Variants in ANO10 observed in about 807,000 individuals in gnomAD.
ANO10 encodes the protein anoctamin-10.
ANO10 carries 77 observed loss-of-function variants against 74.7 expected under a neutral mutation model. The observed-to-expected ratio is 1.03, with a 90% CI of 0.86 to 1.25. The LOEUF (loss-of-function observed/expected upper bound fraction) is 1.25. ANO10 is among the 50% of genes most tolerant of loss of function. ANO10 has a pLI of 0.00. For synonymous variants in ANO10, 279 were observed against 284.9 expected (o/e 0.98, Z 0.21); for missense variants, 721 against 778.1 (o/e 0.93, Z 0.87).
chr3:43,639,181 G>T (rs1224839220), intron 1 of ANO10: 1 of 152,326 alleles, frequency 6.6e-6, no homozygotes, highest in African/African-American at 2.4e-5. Flanking sequence ...TCATTTCTGT[G>T]TTGTTCTAGT....
chr3:43,484,203 G>T (rs1317264689), intron 11 of ANO10, among the ~76,000 whole-genome samples: 1 of 152,132 alleles, frequency 6.6e-6, no homozygotes, highest in Non-Finnish European at 1.5e-5. Context: ...AAAGTGCTGG[G>T]ATTACAGGTG....
intron 7 of ANO10, among the ~76,000 whole-genome samples, chr3:43,567,816 C>G (rs1007860763): frequency 6.6e-6 from 1 of 151,856 alleles, no homozygotes; most frequent in Non-Finnish European, 1.5e-5. Flanking sequence ...ATGACAGGAT[C>G]AAATTCACAC....
intron 1 of ANO10, among the ~76,000 whole-genome samples, chr3:43,680,312 G>A (rs1220228542): frequency 1.3e-5 from 2 of 152,188 alleles, no homozygotes; most frequent in African/African-American, 4.8e-5. Context: ...TAGCCAATTT[G>A]ATCAACTGGA....
At chr3:43,501,846 T>C (rs1298384338) in intron 11 of ANO10, among the ~76,000 whole-genome samples, 4 of 152,204 alleles carry the variant, frequency 2.6e-5, no homozygotes, top group Non-Finnish European at 4.4e-5. Flanking sequence ...GCCAAGGAGC[T>C]ATCAAAATGA....
chr3:43,619,868 CAAAAAA>C (rs746826623), intron 1 of ANO10, among the ~76,000 whole-genome samples: 2 of 79,924 alleles, frequency 2.5e-5, no homozygotes, highest in Non-Finnish European at 5.3e-5. Flanking sequence ...AGACCTTGTC[CAAAAAA>C]AAAAAAAAAA....
At chr3:43,493,898 G>A (rs1406220928) in intron 11 of ANO10, among the ~76,000 whole-genome samples, 1 of 151,922 alleles carries the variant, frequency 6.6e-6, no homozygotes, top group Non-Finnish European at 1.5e-5. Context: ...ACCACACTAG[G>A]CTAATTTTCC....
chr3:43,479,703 AC>A (rs2076195945), intron 11 of ANO10, among the ~76,000 whole-genome samples: 1 of 152,226 alleles, frequency 6.6e-6, no homozygotes. Context: ...AGATGAACTT[AC>A]GTCTGCTCTC....
chr3:43,497,471 C>T (rs561924220), intron 11 of ANO10, among the ~76,000 whole-genome samples: 1 of 152,314 alleles, frequency 6.6e-6, no homozygotes, highest in African/African-American at 2.4e-5. Flanking sequence ...ACACTTTCTG[C>T]TCTGTTTTTC....
At chr3:43,492,736 G>A (rs1023145755) in intron 11 of ANO10, among the ~76,000 whole-genome samples, 3 of 152,140 alleles carry the variant, frequency 2.0e-5, no homozygotes, top group Non-Finnish European at 1.5e-5. Flanking sequence ...ACCACAATGA[G>A]ATACTATCTC....
In ANO10 at chr3:43,552,256, T is replaced by G. The variant is rs138562809; in HGVS notation, c.1669-2408A>C. 3.0e-3 allele frequency among the ~76,000 whole-genome samples: 453 copies of G among 152,252 alleles called. 1 individual carries two copies. The highest frequency in any genetic ancestry group is 5.0e-3 in the Non-Finnish European group (338 of 68,006). On this transcript the variant is annotated intron_variant, in intron 10 of 12. Coordinates refer to ENST00000292246, the MANE Select transcript of ANO10 (RefSeq NM_018075.5). ...TGATATAGGGAAAAGAATCAGACAG[T>G]GTATCTTGTCTACATAGGTTGGGTA... is the stretch of plus-strand genomic sequence containing the variant.
At chr3:43,386,844 C>A (rs571691282) in intron 12 of ANO10, among the ~76,000 whole-genome samples, 1 of 152,038 alleles carries the variant, frequency 6.6e-6, no homozygotes, top group African/African-American at 2.4e-5. Context: ...TGGAGAAAGC[C>A]GCCTATGAGT....
chr3:43,581,044 C>A (rs1268631985), intron 4 of ANO10, among the ~76,000 whole-genome samples: 2 of 151,966 alleles, frequency 1.3e-5, no homozygotes, highest in Admixed American at 1.3e-4. Flanking sequence ...TGTACAAATA[C>A]CTTTCCCTAC....
intron 11 of ANO10, among the ~76,000 whole-genome samples, chr3:43,487,121 T>C (rs2149104320): frequency 6.7e-6 from 1 of 149,274 alleles, no homozygotes; most frequent in African/African-American, 2.5e-5. Flanking sequence ...GATTTGCGTA[T>C]ATTGAACCAG....
chr3:43,623,142 A>G (rs913416874), upstream of ANO10, among the ~76,000 whole-genome samples: 1 of 152,224 alleles, frequency 6.6e-6, no homozygotes, highest in Non-Finnish European at 1.5e-5. Flanking sequence ...CTGGGATTAC[A>G]GGCGTGAGCC....
chr3:43,438,573 C>T lies in ANO10; in HGVS notation c.1798-5846G>A, dbSNP rs543705564. On this transcript the variant is annotated intron_variant, in intron 11 of 12. Coordinates refer to ENST00000292246, the MANE Select transcript of ANO10 (RefSeq NM_018075.5). Reference sequence around the variant, plus strand: ...AAGCCTGACCAACATGGTGAAACCCCGTCTCTGCTAAAAATACAAAAAATT... The same window carrying T: ...AAGCCTGACCAACATGGTGAAACCCTGTCTCTGCTAAAAATACAAAAAATT... 5.9e-5 allele frequency among the ~76,000 whole-genome samples: 9 copies of T among 151,868 alleles called. No individual in the cohort carries two copies. The East Asian group carries it at 7.8e-4, about 13-fold the overall frequency.
chr3:43,481,876 A>C (rs1453235725), intron 11 of ANO10, among the ~76,000 whole-genome samples: 2 of 152,012 alleles, frequency 1.3e-5, no homozygotes, highest in Non-Finnish European at 2.9e-5. Context: ...TTTTGGACTA[A>C]ACCAGTGTAC....
chr3:43,487,373 G>C (rs1196800892), intron 11 of ANO10, among the ~76,000 whole-genome samples: 1 of 152,058 alleles, frequency 6.6e-6, no homozygotes, highest in Non-Finnish European at 1.5e-5. Flanking sequence ...AGTTTCAGAA[G>C]GAATGGTACC....
At chr3:43,524,059 A>C (rs1006527998) in intron 11 of ANO10, among the ~76,000 whole-genome samples, 14 of 152,198 alleles carry the variant, frequency 9.2e-5, no homozygotes, top group African/African-American at 3.4e-4. Flanking sequence ...AGATGAGCAC[A>C]GGGGCTACAG....
intron 7 of ANO10, among the ~76,000 whole-genome samples, chr3:43,567,706 C>G (rs2080446043): frequency 6.6e-6 from 1 of 152,086 alleles, no homozygotes; most frequent in Admixed American, 6.5e-5. Context: ...AAAGGAACAA[C>G]TGGTACCAGC....
Sources: gnomAD v4.1 joint callset for allele counts (sites outside exome capture counted in the v4.1 genomes callset) on GRCh38, gnomAD v4.1.1 for gene constraint, MANE v1.5 for transcripts, NCBI Gene and HGNC (gene_info 2026-07-23, HGNC 2026-07-21) for gene names.